Variants in KIF1B observed in about 807,000 individuals in gnomAD.
The protein encoded by KIF1B is kinesin-like protein KIF1B.
KIF1B carries 76 observed loss-of-function variants against 241.9 expected under a neutral mutation model. The ratio of observed to expected loss-of-function variants is 0.31; its 90% CI spans 0.26 to 0.38. KIF1B has a LOEUF of 0.38. Ranked by LOEUF, KIF1B falls within the 10% of genes least tolerant of loss-of-function variation. The pLI is 1.00. For missense variants in KIF1B, 1,622 were observed against 2,271.4 expected (o/e 0.71, Z 5.81); for synonymous variants, 750 against 796.7 (o/e 0.94, Z 0.99).
At chr1:10,329,017 C>T (rs1217736647) in intron 27 of KIF1B, among the ~76,000 whole-genome samples, 2 of 152,222 alleles carry the variant, frequency 1.3e-5, no homozygotes, top group African/African-American at 4.8e-5. Flanking sequence ...TGGAAATTAA[C>T]TGAGGATACA....
intron 1 of KIF1B, chr1:10,211,570 G>C (rs79794661): frequency 0.018 from 2,804 of 152,450 alleles, 41 homozygotes; most frequent in Non-Finnish European, 0.027. Flanking sequence ...AGCCCTGGCA[G>C]CTTTCAGGGT....
chr1:10,271,757 TTG>T (rs1648812346), intron 8 of KIF1B, among the ~76,000 whole-genome samples, 178 bp downstream of exon 8: 1 of 152,190 alleles, frequency 6.6e-6, no homozygotes, highest in South Asian at 2.1e-4. Context: ...CTAAAATAAT[TTG>T]TGTCTGTCCT....
At position 10,267,434 on chromosome 1, in the gene KIF1B, A is replaced by C; in HGVS notation, c.484A>C (p.Asn162His). The change falls in exon 6 of 49, where the codon AAC becomes CAC. Residue 162 changes from asparagine (N) to histidine (H), a missense_variant. Coordinates refer to ENST00000676179, the MANE Select transcript of KIF1B (RefSeq NM_001365951.3). ...ERVRDLLNPK[N>H]KGNLRVREHP... is the part of the protein sequence containing the mutation. ...AGTACGAGATTTGCTGAATCCAAAA[A>C]ACAAGGGTAATTTGCGTGTGCGTGA... 6.2e-7 allele frequency: 1 copy of C among 1,614,200 alleles called. No individual in the cohort carries two copies.
chr1:10,222,779 C>T (rs1464264459), intron 1 of KIF1B, among the ~76,000 whole-genome samples: 1 of 152,270 alleles, frequency 6.6e-6, no homozygotes, highest in Non-Finnish European at 1.5e-5. Flanking sequence ...ACTTTCCTAA[C>T]GCTTCTAATT....
intron 22 of KIF1B, among the ~76,000 whole-genome samples, chr1:10,299,781 T>G (rs1372678682): frequency 6.6e-6 from 1 of 152,174 alleles, no homozygotes; most frequent in Non-Finnish European, 1.5e-5. Flanking sequence ...CACACAGTTT[T>G]GGGATCTTCT....
chr1:10,226,740 G>T (rs934386778), intron 1 of KIF1B, among the ~76,000 whole-genome samples: 1 of 152,148 alleles, frequency 6.6e-6, no homozygotes, highest in Non-Finnish European at 1.5e-5. Flanking sequence ...GCTGAGGCTG[G>T]AAGATTACAT....
At chr1:10,275,750 C>T (rs1649064999) in intron 11 of KIF1B, among the ~76,000 whole-genome samples, 2 of 152,168 alleles carry the variant, frequency 1.3e-5, no homozygotes, top group Admixed American at 6.5e-5. Context: ...GTCCTCCCGA[C>T]TCCCCATACT....
intron 2 of KIF1B, among the ~76,000 whole-genome samples, chr1:10,248,062 G>A (rs966489152): frequency 4.6e-5 from 7 of 152,168 alleles, no homozygotes; most frequent in African/African-American, 1.7e-4. Flanking sequence ...GGACAGTACC[G>A]GTCTCTGGCC....
chr1:10,237,966 G>A (rs539336055), intron 2 of KIF1B, among the ~76,000 whole-genome samples: 1 of 152,202 alleles, frequency 6.6e-6, no homozygotes, highest in African/African-American at 2.4e-5. Flanking sequence ...CCGTGATCAC[G>A]CCACTGCGCT....
chr1:10,300,237 A>AAATAATAATAAT (rs367822978), intron 22 of KIF1B, among the ~76,000 whole-genome samples: 11,304 of 143,802 alleles, frequency 0.079, 532 homozygotes, highest in East Asian at 0.17. Flanking sequence ...ACTCAGTGTC[A>AAATAATAATAAT]AATAATAATA....
At chr1:10,262,054 T>C in intron 5 of KIF1B, 84 bp downstream of exon 5, 1 of 908,314 alleles carries the variant, frequency 1.1e-6, no homozygotes, top group Non-Finnish European at 1.8e-6. Flanking sequence ...ATTATGACTG[T>C]GGTACACATC....
chr1:10,333,164 G>A (rs1652020479), intron 27 of KIF1B, among the ~76,000 whole-genome samples: 1 of 151,046 alleles, frequency 6.6e-6, no homozygotes, highest in Admixed American at 6.6e-5. Flanking sequence ...GGTGGCTCAC[G>A]CCTGTAATCC....
intron 24 of KIF1B, 26 bp from the exon 25 acceptor site, chr1:10,323,857 TG>T: frequency 6.3e-7 from 1 of 1,590,098 alleles, no homozygotes; most frequent in South Asian, 1.1e-5. Flanking sequence ...GAAAACCATT[TG>T]TCAATGGTTT....
intron 1 of KIF1B, among the ~76,000 whole-genome samples, chr1:10,221,944 TA>T (rs1646850936): frequency 3.3e-5 from 5 of 152,130 alleles, no homozygotes; most frequent in Admixed American, 3.3e-4. Context: ...GCCTCCTAAG[TA>T]GCTGGGACTA....
intron 2 of KIF1B, among the ~76,000 whole-genome samples, chr1:10,233,582 A>C (rs890719214): frequency 5.9e-5 from 9 of 152,154 alleles, no homozygotes; most frequent in Admixed American, 5.9e-4. Flanking sequence ...CTATGTCAAC[A>C]TTGCCAACAG....
At chr1:10,364,930 C>A (rs1465759129) in intron 41 of KIF1B, among the ~76,000 whole-genome samples, 170 bp from the exon 42 acceptor site, 5 of 149,138 alleles carry the variant, frequency 3.4e-5, no homozygotes, top group African/African-American at 9.9e-5. Context: ...GGCATGAACC[C>A]AGGAGGCGGA....
At chr1:10,305,316 A>G (rs560564486) in intron 22 of KIF1B, 50 of 1,046,804 alleles carry the variant, frequency 4.8e-5, no homozygotes, top group Middle Eastern at 4.4e-4. Context: ...GTATCAGAAT[A>G]TGTATGAAAT....
intron 17 of KIF1B, among the ~76,000 whole-genome samples, chr1:10,293,818 T>C (rs1175337500): frequency 2.6e-5 from 4 of 152,224 alleles, no homozygotes; most frequent in African/African-American, 9.6e-5. Flanking sequence ...TCCAAAGCTT[T>C]TTCTTACTTT....
chr1:10,342,130 G>T lies in KIF1B; in HGVS notation c.3594G>T (p.Gln1198His). 1 of 1,613,304 alleles carries T rather than the reference G, an allele frequency of 6.2e-7. No homozygotes were observed. The highest frequency in any genetic ancestry group is 8.5e-7 in the Non-Finnish European group (1 of 1,179,248). The stretch of plus-strand genomic sequence containing the variant: ...TATTTGAAGTCTTTGGGCATTATCA[G>T]CAGCACCCACTTCATCTGCAAGGAC... Reference protein sequence around the residue: ...PIVFEVFGHYQQHPLHLQGQE... With the variant: ...PIVFEVFGHYHQHPLHLQGQE... The change falls in exon 33 of 49, where the codon CAG (glutamine) becomes CAT (histidine). Residue 1198 changes from glutamine (Q) to histidine (H), a missense_variant. Physicochemically the swap from Gln to His is conservative, Grantham distance 24. Around this residue, in one of 7 missense-constraint regions of KIF1B, gnomAD observed 803 missense variants for 1,112.0 expected, o/e 0.72. Coordinates refer to ENST00000676179, the MANE Select transcript of KIF1B (RefSeq NM_001365951.3).
Sources: allele counts gnomAD v4.1 joint callset (sites outside exome capture counted in the v4.1 genomes callset), GRCh38; gene constraint gnomAD v4.1.1; regional missense constraint gnomAD v4.1.1; transcripts MANE v1.5; gene names NCBI Gene and HGNC (gene_info 2026-07-23, HGNC 2026-07-21).